SLC35D4: variants seen among roughly 807,000 people sequenced by gnomAD.
SLC35D4 encodes the protein solute carrier family 35 member D4, also known as UDP-N-acetylglucosamine transporter SLC35D4.
the SLC35D4 span, chr18:23,373,636 A>G: frequency 6.6e-7 from 1 of 1,523,034 alleles, no homozygotes; most frequent in Non-Finnish European, 9.1e-7. Context: ...AGGAAGGACT[A>G]GGAAATTCTG....
At chr18:23,357,197 A>T in the SLC35D4 span, among the ~76,000 whole-genome samples, 1 of 149,866 alleles carries the variant, frequency 6.7e-6, no homozygotes, top group East Asian at 1.9e-4. Flanking sequence ...CTGCCCTGAC[A>T]TTTTTTTTTT....
At chr18:23,380,269 T>G in the SLC35D4 span, among the ~76,000 whole-genome samples, 1 of 152,124 alleles carries the variant, frequency 6.6e-6, no homozygotes, top group South Asian at 2.1e-4. Context: ...ATTGGTTCTA[T>G]GTTAGAGAGG....
chr18:23,258,886 A>AAACAGAATACTTGGCTTCTTCAGAAT, the SLC35D4 span: 1 of 152,174 alleles, frequency 6.6e-6, no homozygotes, highest in South Asian at 2.1e-4. Context: ...GTGAGGGCCA[A>AAACAGAATACTTGGCTTCTTCAGAAT]AACAGAATAC....
the SLC35D4 span, among the ~76,000 whole-genome samples, chr18:23,432,792 G>A: frequency 2.4e-4 from 37 of 151,954 alleles, 1 homozygote; most frequent in East Asian, 3.9e-3. Flanking sequence ...ACCAGCCTGG[G>A]CGACATGGTG....
At chr18:23,296,523 G>A in the SLC35D4 span, 1 of 152,158 alleles carries the variant, frequency 6.6e-6, no homozygotes, top group Non-Finnish European at 1.5e-5. Context: ...GGCCAGGTTT[G>A]TCTTGAACTC....
chr18:23,396,498 A>T, the SLC35D4 span, among the ~76,000 whole-genome samples: 604 of 152,272 alleles, frequency 4.0e-3, 3 homozygotes, highest in African/African-American at 0.014. Flanking sequence ...TTTTACTATA[A>T]AACAATAATA....
chr18:23,268,490 T>C, the SLC35D4 span, among the ~76,000 whole-genome samples: 76 of 152,254 alleles, frequency 5.0e-4, 1 homozygote, highest in Admixed American at 4.8e-3. Flanking sequence ...GGGTGGGGTC[T>C]AGGAATCCAT....
At chr18:23,379,255 C>T in the SLC35D4 span, among the ~76,000 whole-genome samples, 1 of 151,954 alleles carries the variant, frequency 6.6e-6, no homozygotes, top group African/African-American at 2.4e-5. Flanking sequence ...TCCCAAGTAG[C>T]TGGGATTACA....
the SLC35D4 span, among the ~76,000 whole-genome samples, chr18:23,351,027 A>G: frequency 5.9e-5 from 9 of 152,086 alleles, no homozygotes; most frequent in South Asian, 4.2e-4. Flanking sequence ...GGTTTCATCA[A>G]CCTCCTCACT....
the SLC35D4 span, among the ~76,000 whole-genome samples, chr18:23,416,543 C>T: frequency 3.3e-5 from 5 of 152,302 alleles, no homozygotes; most frequent in South Asian, 2.1e-4. Context: ...CCAGCACACA[C>T]GAAAGAACGT....
At chr18:23,430,571 A>C in the SLC35D4 span, 1 of 1,397,978 alleles carries the variant, frequency 7.2e-7, no homozygotes, top group Non-Finnish European at 9.9e-7. Context: ...ACTATTTCAA[A>C]GAATGATGGT....
At chr18:23,314,458 C>G in the SLC35D4 span, among the ~76,000 whole-genome samples, 1 of 152,148 alleles carries the variant, frequency 6.6e-6, no homozygotes, top group Non-Finnish European at 1.5e-5. Flanking sequence ...ATGTGCTTAC[C>G]CTGGGGGGGG....
the SLC35D4 span, among the ~76,000 whole-genome samples, chr18:23,315,026 G>T: frequency 2.3e-3 from 345 of 152,270 alleles, no homozygotes; most frequent in Non-Finnish European, 3.9e-3. Flanking sequence ...TGGTGGTGGT[G>T]GGGGGTGTTG....
chr18:23,419,575 A>C, the SLC35D4 span, among the ~76,000 whole-genome samples: 1 of 152,184 alleles, frequency 6.6e-6, no homozygotes, highest in Non-Finnish European at 1.5e-5. Context: ...AACAGGCATG[A>C]GCACTGTGCC....
chr18:23,290,483 C>T, the SLC35D4 span, among the ~76,000 whole-genome samples: 4 of 152,150 alleles, frequency 2.6e-5, no homozygotes, highest in Admixed American at 1.3e-4. Context: ...GAACAAATAC[C>T]CCCAGACTAT....
the SLC35D4 span, among the ~76,000 whole-genome samples, chr18:23,293,938 G>A: frequency 2.0e-5 from 3 of 151,948 alleles, no homozygotes; most frequent in Admixed American, 6.6e-5. Flanking sequence ...ACTTACAGGC[G>A]TGAGCCACCA....
the SLC35D4 span, among the ~76,000 whole-genome samples, chr18:23,327,335 C>A: frequency 6.6e-6 from 1 of 151,922 alleles, no homozygotes; most frequent in Non-Finnish European, 1.5e-5. Context: ...AGAGAAGAAT[C>A]AAATAGATGC....
the SLC35D4 span, among the ~76,000 whole-genome samples, chr18:23,306,812 T>C: frequency 7.2e-5 from 11 of 152,308 alleles, no homozygotes; most frequent in Admixed American, 1.3e-4. Context: ...GATCTTAAAG[T>C]GGTCCTAGGC....
chr18:23,373,376 A>G, the SLC35D4 span, among the ~76,000 whole-genome samples: 1 of 152,114 alleles, frequency 6.6e-6, no homozygotes, highest in East Asian at 1.9e-4. Context: ...TTGGGAGGAG[A>G]GAAAATCAAC....
Sources: allele counts gnomAD v4.1 joint callset (sites outside exome capture counted in the v4.1 genomes callset), GRCh38; gene constraint gnomAD v4.1.1; transcripts MANE v1.5; gene names NCBI Gene and HGNC (gene_info 2026-07-23, HGNC 2026-07-21).